The following NSF variants were observed in gnomAD, a reference collection of about 807,000 sequenced individuals.
NSF encodes the protein N-ethylmaleimide sensitive factor, vesicle fusing ATPase, also known as vesicle-fusing ATPase.
A neutral mutation model predicts 50.3 loss-of-function variants in NSF; 14 were observed. The ratio of observed to expected loss-of-function variants is 0.28; its 90% CI spans 0.18 to 0.44. NSF has a LOEUF of 0.44. Ranked by LOEUF, NSF falls within the 20% of genes least tolerant of loss-of-function variation. The pLI, the probability that NSF is intolerant of heterozygous loss-of-function variation, is 1.00. For synonymous variants in NSF, 109 were observed against 175.7 expected (o/e 0.62, Z 3.00); for missense variants, 218 against 504.3 (o/e 0.43, Z 5.44).
At chr17:46,733,127 AT>A (rs1209805747) in intron 17 of NSF, among the ~76,000 whole-genome samples, 2 of 152,208 alleles carry the variant, frequency 1.3e-5, no homozygotes, top group Non-Finnish European at 2.9e-5. Flanking sequence ...TTCCAGTGAG[AT>A]TCCTAACGCC....
intron 9 of NSF, among the ~76,000 whole-genome samples, chr17:46,680,016 A>T (rs2058439507): frequency 1.4e-5 from 2 of 144,540 alleles, no homozygotes; most frequent in African/African-American, 2.6e-5. Flanking sequence ...TAAGCAGCTA[A>T]TAAATGGTAA....
At chr17:46,752,174 G>A (rs1221848132) in intron 19 of NSF, among the ~76,000 whole-genome samples, 3 of 152,214 alleles carry the variant, frequency 2.0e-5, no homozygotes, top group Non-Finnish European at 4.4e-5. Flanking sequence ...GAAGCATCCA[G>A]AATCACATAG....
chr17:46,751,516 T>G lies in NSF; in HGVS notation c.2057T>G (p.Phe686Cys). ...TTGTTTTTGTAGCTTTTGGGCAACTTCAAGGATAAGGAACGCACCACAATT... is the reference window on the plus strand; with the variant it reads ...TTGTTTTTGTAGCTTTTGGGCAACTGCAAGGATAAGGAACGCACCACAATT... ...LLEALELLGN[F>C]KDKERTTIAQ... is the part of the protein sequence containing the mutation. The change falls in exon 19 of 21, where the codon TTC (phenylalanine) becomes TGC (cysteine). Residue 686 changes from phenylalanine to cysteine, a missense_variant. By Grantham distance (205) the Phe-to-Cys change is radical. Around this residue, in one of 2 missense-constraint regions of NSF, gnomAD observed 209 missense variants for 320.9 expected, o/e 0.65. Transcript: ENST00000398238. 6.2e-7 allele frequency: 1 copy of G among 1,613,986 alleles called. No homozygotes were observed. Among genetic ancestry groups the G allele is most frequent in the Non-Finnish European group, 8.5e-7 (1 of 1,179,896 alleles).
intron 17 of NSF, among the ~76,000 whole-genome samples, chr17:46,746,890 G>C (rs2059134533): frequency 1.3e-5 from 2 of 152,142 alleles, no homozygotes; most frequent in South Asian, 4.1e-4. Flanking sequence ...GATCTGGAGA[G>C]GTGCCATACT....
chr17:46,755,864 C>T lies in NSF; in HGVS notation c.*41C>T, dbSNP rs751389431. 1.2e-6 allele frequency: 2 copies of T among 1,601,358 alleles called. No individual in the cohort carries two copies. Among genetic ancestry groups the T allele is most frequent in the Non-Finnish European group, 1.7e-6 (2 of 1,172,234 alleles). ...AACACACAGTGACCAAGGGAAGTGA[C>T]CAAGGTGAAGATGGCCTAGGATCTT... On this transcript the variant is annotated 3_prime_UTR_variant, in exon 21 of 21. Transcript: ENST00000398238.
At chr17:46,717,058 C>G (rs1174989009) in intron 15 of NSF, among the ~76,000 whole-genome samples, 1 of 152,070 alleles carries the variant, frequency 6.6e-6, no homozygotes, top group Non-Finnish European at 1.5e-5. Context: ...TTCATTGCAG[C>G]AGTATTCACA....
intron 15 of NSF, among the ~76,000 whole-genome samples, chr17:46,722,944 G>A (rs1043858452): frequency 2.6e-5 from 4 of 152,144 alleles, no homozygotes; most frequent in African/African-American, 9.7e-5. Flanking sequence ...CACAGAGACC[G>A]ACTGCAAAAA....
intron 5 of NSF, among the ~76,000 whole-genome samples, chr17:46,638,710 T>A (rs2058206125): frequency 7.2e-6 from 1 of 139,288 alleles, no homozygotes; most frequent in South Asian, 2.3e-4. Flanking sequence ...GAGATGGGGT[T>A]TTGCCATGTT....
chr17:46,740,578 G>A (rs536609266), intron 17 of NSF, among the ~76,000 whole-genome samples: 263 of 152,064 alleles, frequency 1.7e-3, no homozygotes, highest in Non-Finnish European at 2.8e-3. Flanking sequence ...TCTTAGTTAA[G>A]TTTCTAATGA....
intron 17 of NSF, among the ~76,000 whole-genome samples, chr17:46,734,477 C>A (rs2058980668): frequency 6.6e-6 from 1 of 151,648 alleles, no homozygotes; most frequent in African/African-American, 2.4e-5. Flanking sequence ...TTATAATACT[C>A]TCTTTAGGTA....
intron 15 of NSF, among the ~76,000 whole-genome samples, chr17:46,718,655 A>T (rs185721325): frequency 5.0e-4 from 76 of 152,286 alleles, no homozygotes; most frequent in Non-Finnish European, 3.8e-4. Flanking sequence ...GGGCTTGCTC[A>T]GCTCTCCACA....
intron 17 of NSF, among the ~76,000 whole-genome samples, chr17:46,740,871 A>T (rs1347511079): frequency 6.6e-6 from 1 of 152,148 alleles, no homozygotes; most frequent in Non-Finnish European, 1.5e-5. Flanking sequence ...CATGTTGGCC[A>T]GGCTGGTCTT....
intron 16 of NSF, among the ~76,000 whole-genome samples, chr17:46,728,565 A>G (rs2058914806): frequency 6.6e-6 from 1 of 152,044 alleles, no homozygotes; most frequent in African/African-American, 2.4e-5. Flanking sequence ...GGAGTTCAAG[A>G]CAAGCCTGGG....
chr17:46,734,596 G>T (rs1287304449), intron 17 of NSF, among the ~76,000 whole-genome samples: 2 of 152,114 alleles, frequency 1.3e-5, no homozygotes, highest in African/African-American at 4.8e-5. Flanking sequence ...AGAGATCTGT[G>T]TTCTTGTTTT....
At chr17:46,748,258 C>A (rs540070031) in intron 17 of NSF, among the ~76,000 whole-genome samples, 9 of 152,092 alleles carry the variant, frequency 5.9e-5, no homozygotes, top group Admixed American at 2.0e-4. Flanking sequence ...ATTACAGGCA[C>A]GTGTCACCAT....
rs150047702 is a variant in NSF at position 46,610,027 on chromosome 17, T to C, written c.13-14217T>C. ...TTTCTCTCTTTCTTTCTTTCTTTCTTTCTCTCTCTCTCTCTCTTTCTTTCT... is the reference window on the plus strand; with the variant it reads ...TTTCTCTCTTTCTTTCTTTCTTTCTCTCTCTCTCTCTCTCTCTTTCTTTCT... On this transcript the variant is annotated intron_variant, in intron 1 of 20. Coordinates refer to ENST00000398238, the MANE Select transcript of NSF (RefSeq NM_006178.4). Among the ~76,000 whole-genome samples the C allele has an allele frequency of 5.2e-3, 574 of 109,434 alleles. 43 individuals are homozygous for C. Among genetic ancestry groups the C allele is most frequent in the Middle Eastern group, 0.045 (9 of 198 alleles). The allele number at this position is 109,434 out of a possible 152,430, so 71.8% of individuals were successfully genotyped here.
chr17:46,609,167 G>A (rs1443363286), intron 1 of NSF, among the ~76,000 whole-genome samples: 2 of 147,720 alleles, frequency 1.4e-5, no homozygotes, highest in Admixed American at 6.6e-5. Context: ...TGCTGGTAAT[G>A]TCCTCTTGAC....
intron 17 of NSF, among the ~76,000 whole-genome samples, chr17:46,745,707 AC>A (rs2059121325): frequency 1.3e-5 from 2 of 152,338 alleles, no homozygotes; most frequent in African/African-American, 4.8e-5. Flanking sequence ...AGTAACAGTT[AC>A]CTTTAATCAT....
At chr17:46,718,452 T>G (rs1267541059) in intron 15 of NSF, among the ~76,000 whole-genome samples, 1 of 152,254 alleles carries the variant, frequency 6.6e-6, no homozygotes, top group Admixed American at 6.5e-5. Context: ...ATTTGATCGT[T>G]ACATGTTTTA....
Sources: gnomAD v4.1 joint callset for allele counts (sites outside exome capture counted in the v4.1 genomes callset) on GRCh38, gnomAD v4.1.1 for gene constraint, gnomAD v4.1.1 regional missense constraint, MANE v1.5 for transcripts, NCBI Gene and HGNC (gene_info 2026-07-23, HGNC 2026-07-21) for gene names.